The following GAD2 variants were observed in gnomAD, a reference collection of about 807,000 sequenced individuals.
The protein encoded by GAD2 is 65 kDa glutamic acid decarboxylase.
In GAD2, 22 loss-of-function variants were observed where a neutral mutation model predicts 80.1. The observed-to-expected ratio is 0.27, with a 90% CI of 0.20 to 0.39. GAD2 has a LOEUF of 0.39. GAD2 is among the 10% of genes least tolerant of loss of function. The pLI, the probability that GAD2 is intolerant of heterozygous loss-of-function variation, is 1.00. For missense variants in GAD2, 624 were observed against 738.4 expected (o/e 0.85, Z 1.80); for synonymous variants, 274 against 256.9 (o/e 1.07, Z -0.64).
chr10:26,271,074 C>T lies in GAD2; in HGVS notation c.1092+318C>T, dbSNP rs867261577. Among the ~76,000 whole-genome samples, 33 of 152,308 alleles carry T rather than the reference C, an allele frequency of 2.2e-4. 2 individuals are homozygous for T. In the South Asian group the frequency reaches 5.0e-3, roughly 23 times the overall value. On this transcript the variant is annotated intron_variant, in intron 10 of 15. Transcript: ENST00000376261. The stretch of plus-strand genomic sequence containing the variant: ...TGCATCCATGGAGGAATACAACCTA[C>T]GCACACAGTCCTGCTGTTCCTCACT...
Position 26,273,756 on chromosome 10 carries a change from A to G in GAD2, c.1157+56A>G, listed in dbSNP as rs1265794511. On this transcript the variant is annotated intron_variant, in intron 11 of 15. Coordinates refer to ENST00000376261, the MANE Select transcript of GAD2 (RefSeq NM_001134366.2). ...AAGTGTTAAAAGCTAACTGTGAAAC[A>G]CAAATTACAGTCAATTTCCAGGAAC... The G allele has an allele frequency of 3.5e-6, 5 of 1,438,340 alleles. No homozygotes were observed. The African/African-American group carries it at 4.2e-5, about 12-fold the overall frequency. The allele number at this position is 1,438,340 out of a possible 1,614,324, so 89.1% of individuals were successfully genotyped here. A position where few individuals can be genotyped will look rare whatever the true frequency, so the allele number is the denominator to read the frequency against.
At chr10:26,229,606 C>A (rs1844572936) in intron 6 of GAD2, 56 bp from the exon 7 acceptor site, 9 of 1,211,552 alleles carry the variant, frequency 7.4e-6, no homozygotes, top group Non-Finnish European at 9.7e-6. Flanking sequence ...ATGTTGCTTG[C>A]ATGTGAAATG....
chr10:26,261,271 A>G lies in GAD2; in HGVS notation c.921-7848A>G, dbSNP rs952302893. 2.4e-4 allele frequency among the ~76,000 whole-genome samples: 37 copies of G among 152,058 alleles called. 1 individual carries two copies. Among genetic ancestry groups the G allele is most frequent in the Admixed American group, 2.6e-4 (4 of 15,272 alleles). ...CCATTCTTAGAACATGTTAATATTC[A>G]TTTGTTTTCCCCTAGAAATTTTGTG... On this transcript the variant is annotated intron_variant, in intron 8 of 15. Transcript: ENST00000376261.
At chr10:26,230,164 T>C (rs564241769) in intron 7 of GAD2, among the ~76,000 whole-genome samples, 79 of 151,782 alleles carry the variant, frequency 5.2e-4, no homozygotes, top group Middle Eastern at 3.4e-3. Context: ...CAAGACCCTG[T>C]CTAAAAGAAA....
chr10:26,229,185 C>T (rs1025886358), intron 6 of GAD2, among the ~76,000 whole-genome samples: 4 of 143,560 alleles, frequency 2.8e-5, no homozygotes, highest in African/African-American at 1.1e-4. Context: ...CAGAGTGAGA[C>T]CCTGTCTCAA....
intron 8 of GAD2, among the ~76,000 whole-genome samples, chr10:26,263,587 TG>T (rs1845034078): frequency 6.6e-6 from 1 of 152,256 alleles, no homozygotes; most frequent in Admixed American, 6.5e-5. Context: ...ATGCAGTTTC[TG>T]TAGTCACTAC....
intron 3 of GAD2, chr10:26,218,318 G>T (rs933090724): frequency 1.1e-5 from 3 of 273,298 alleles, no homozygotes; most frequent in African/African-American, 4.4e-5. Context: ...AGGCCGCTGG[G>T]GCCTCGGGTG....
Position 26,303,265 on chromosome 10 carries a change from C to T in GAD2, c.*2304C>T, listed in dbSNP as rs1466126649. On this transcript the variant is annotated 3_prime_UTR_variant, in exon 16 of 16. Transcript: ENST00000376261. ...CAACAATAGCTCTTCTTCCCCGCTC[C>T]CCTACCCCTTCCCAGTACTCCTTCA... 6.7e-6 allele frequency: 1 copy of T among 149,334 alleles called. No individual in the cohort carries two copies. Among genetic ancestry groups the T allele is most frequent in the Non-Finnish European group, 1.5e-5 (1 of 68,054 alleles). The allele number at this position is 149,334 out of a possible 1,614,324, so 9.3% of individuals were successfully genotyped here.
Position 26,269,929 on chromosome 10 carries a change from T to C in GAD2, c.976-711T>C, listed in dbSNP as rs1011120881. 2.0e-4 allele frequency among the ~76,000 whole-genome samples: 30 copies of C among 152,184 alleles called. 1 individual carries two copies. The highest frequency in any genetic ancestry group is 1.7e-3 in the Admixed American group (26 of 15,282). ...TAGAACTACTTCTAGTAACATCAACTAGAAGATTAAACCTTTGCTGCCACC... is the reference window on the plus strand; with the variant it reads ...TAGAACTACTTCTAGTAACATCAACCAGAAGATTAAACCTTTGCTGCCACC... On this transcript the variant is annotated intron_variant, in intron 9 of 15. Transcript: ENST00000376261.
chr10:26,218,163 G>A (rs1564654306), intron 3 of GAD2, 172 bp downstream of exon 3: 1 of 668,188 alleles, frequency 1.5e-6, no homozygotes, highest in Non-Finnish European at 2.4e-6. Flanking sequence ...CTGCCCGCTG[G>A]GTCCAAGCCC....
At chr10:26,279,013 G>A (rs1300515534) in intron 11 of GAD2, among the ~76,000 whole-genome samples, 1 of 151,996 alleles carries the variant, frequency 6.6e-6, no homozygotes, top group African/African-American at 2.4e-5. Flanking sequence ...CTCTCTGGAG[G>A]CAGCTGCCAC....
At chr10:26,293,506 T>A (rs919146067) in intron 15 of GAD2, among the ~76,000 whole-genome samples, 2 of 152,140 alleles carry the variant, frequency 1.3e-5, no homozygotes, top group Admixed American at 6.5e-5. Flanking sequence ...CTCTATTTGC[T>A]TGTTTTCTGA....
chr10:26,232,189 A>T (rs578087928), intron 7 of GAD2, among the ~76,000 whole-genome samples: 1 of 152,288 alleles, frequency 6.6e-6, no homozygotes, highest in South Asian at 2.1e-4. Flanking sequence ...ACCCCTAAAT[A>T]GTTACATGTT....
intron 15 of GAD2, among the ~76,000 whole-genome samples, chr10:26,296,212 A>T (rs1196436368): frequency 6.6e-6 from 1 of 152,014 alleles, no homozygotes; most frequent in Non-Finnish European, 1.5e-5. Flanking sequence ...TGAACTAATC[A>T]CCTACCAAAG....
chr10:26,218,342 A>C (rs1444024783), intron 3 of GAD2: 1 of 241,824 alleles, frequency 4.1e-6, no homozygotes, highest in Admixed American at 5.5e-5. Context: ...CTCAGTTTCC[A>C]AATACCGTGC....
chr10:26,262,572 T>C (rs1170204908), intron 8 of GAD2, among the ~76,000 whole-genome samples: 1 of 152,116 alleles, frequency 6.6e-6, no homozygotes, highest in East Asian at 1.9e-4. Context: ...AAAAAAAAAT[T>C]CCTTGTTTCT....
chr10:26,275,138 A>G (rs886120048), intron 11 of GAD2, among the ~76,000 whole-genome samples: 1 of 152,266 alleles, frequency 6.6e-6, no homozygotes, highest in African/African-American at 2.4e-5. Flanking sequence ...ACAGGGAGAG[A>G]CAATAAAAGA....
At chr10:26,218,029 C>T in intron 3 of GAD2, 38 bp downstream of exon 3, 4 of 1,557,294 alleles carry the variant, frequency 2.6e-6, no homozygotes, top group East Asian at 2.3e-5. Context: ...CGCCCCTGCC[C>T]CTCTCTCTGC....
At position 26,225,238 on chromosome 10, in the gene GAD2, T is replaced by G. The variant is rs543162013; in HGVS notation, c.724+587T>G. The stretch of plus-strand genomic sequence containing the variant: ...TTCTCATCCCTTCTCTTCTTTATCA[T>G]GCCATTCAGTCTTTTCCATCCTGCC... On this transcript the variant is annotated intron_variant, in intron 6 of 15. Coordinates refer to ENST00000376261, the MANE Select transcript of GAD2 (RefSeq NM_001134366.2). Among the ~76,000 whole-genome samples the G allele has an allele frequency of 2.0e-5, 3 of 152,350 alleles. No individual in the cohort carries two copies. The East Asian group carries it at 5.8e-4, about 29-fold the overall frequency.
Sources: gnomAD v4.1 joint callset for allele counts (sites outside exome capture counted in the v4.1 genomes callset) on GRCh38, gnomAD v4.1.1 for gene constraint, MANE v1.5 for transcripts, NCBI Gene and HGNC (gene_info 2026-07-23, HGNC 2026-07-21) for gene names.